Variants in GALNT16 observed in about 807,000 individuals in gnomAD.
GALNT16 encodes the protein UDP-GalNAc:polypeptide N-acetylgalactosaminyltransferase-like protein 1.
Under a neutral mutation model 76.1 loss-of-function variants are expected in GALNT16, and 40 were observed. That is an observed-to-expected ratio of 0.53 (90% CI 0.41 to 0.68). GALNT16 has a LOEUF of 0.68. GALNT16 is among the 30% of genes least tolerant of loss of function. GALNT16 has a pLI of 0.00. For synonymous variants in GALNT16, 276 were observed against 285.2 expected (o/e 0.97, Z 0.32); for missense variants, 621 against 731.9 (o/e 0.85, Z 1.75).
Position 69,311,271 on chromosome 14 carries a change from A to G in GALNT16, c.178-9440A>G, listed in dbSNP as rs118074870. 1.2e-4 allele frequency among the ~76,000 whole-genome samples: 18 copies of G among 152,318 alleles called. No homozygotes were observed. In the East Asian group the frequency reaches 3.3e-3, roughly 28 times the overall value. On this transcript the variant is annotated intron_variant, in intron 1 of 14. Transcript: ENST00000448469. ...GAGGGGACAAATGCTGTGTCCTCGT[A>G]TGGCAGAAGGTGAAAGGGCGTAAAG...
At chr14:69,368,477 T>C in the GALNT16 span, among the ~76,000 whole-genome samples, 1 of 152,174 alleles carries the variant, frequency 6.6e-6, no homozygotes. Flanking sequence ...TCTCACAACA[T>C]GGCAGCTGGC....
intron 1 of GALNT16, among the ~76,000 whole-genome samples, chr14:69,284,908 C>A (rs1304604651): frequency 6.6e-6 from 1 of 152,108 alleles, no homozygotes; most frequent in Non-Finnish European, 1.5e-5. Context: ...CTTCTCTCTC[C>A]TGCCACCCTG....
At chr14:69,362,043 A>G in the GALNT16 span, among the ~76,000 whole-genome samples, 1 of 152,194 alleles carries the variant, frequency 6.6e-6, no homozygotes, top group Non-Finnish European at 1.5e-5. Flanking sequence ...ACAGGGCAGG[A>G]AATTGGGAGC....
At chr14:69,281,887 C>T (rs188411337) in intron 1 of GALNT16, among the ~76,000 whole-genome samples, 16 of 152,292 alleles carry the variant, frequency 1.1e-4, no homozygotes, top group African/African-American at 3.8e-4. Context: ...CCTGTCTAAA[C>T]CCCAAGTAAC....
chr14:69,286,111 G>A (rs2044607536), intron 1 of GALNT16, among the ~76,000 whole-genome samples: 2 of 152,118 alleles, frequency 1.3e-5, no homozygotes, highest in Admixed American at 1.3e-4. Flanking sequence ...ACTCACTGTG[G>A]CCAGGTGCTC....
the GALNT16 span, among the ~76,000 whole-genome samples, chr14:69,368,757 G>A: frequency 7.8e-3 from 1,185 of 152,284 alleles, 11 homozygotes; most frequent in African/African-American, 0.027. Flanking sequence ...CCCAAGCTGG[G>A]CCAGTCCAGT....
the GALNT16 span, among the ~76,000 whole-genome samples, chr14:69,363,438 C>T: frequency 6.6e-6 from 1 of 152,228 alleles, no homozygotes. Context: ...GGGCAACCTG[C>T]AGCTAGTTAC....
At chr14:69,300,388 T>C (rs1428576797) in intron 1 of GALNT16, among the ~76,000 whole-genome samples, 1 of 152,206 alleles carries the variant, frequency 6.6e-6, no homozygotes, top group Non-Finnish European at 1.5e-5. Context: ...CTGCCCTTGC[T>C]GTCACTGGGG....
intron 6 of GALNT16, among the ~76,000 whole-genome samples, 197 bp downstream of exon 6, chr14:69,328,768 GGGTTATTGTGAGAATGAAATT>G (rs2045317797): frequency 6.6e-6 from 1 of 152,198 alleles, no homozygotes; most frequent in Admixed American, 6.5e-5. Context: ...TTATCCCACT[GGGTTATTGTGAGAATGAAATT>G]GGATGAAAGC....
At chr14:69,306,648 C>T (rs149654416) in intron 1 of GALNT16, among the ~76,000 whole-genome samples, 1 of 152,162 alleles carries the variant, frequency 6.6e-6, no homozygotes, top group Non-Finnish European at 1.5e-5. Context: ...TAAGTTGAAT[C>T]ATGATTAAAA....
At chr14:69,363,118 G>A in the GALNT16 span, among the ~76,000 whole-genome samples, 5 of 152,208 alleles carry the variant, frequency 3.3e-5, no homozygotes, top group South Asian at 4.1e-4. Context: ...CTGTCCCACC[G>A]TTGTCTGCAT....
At chr14:69,361,604 C>A (rs1414567783), downstream of GALNT16, among the ~76,000 whole-genome samples, 3 of 152,202 alleles carry the variant, frequency 2.0e-5, no homozygotes, top group Non-Finnish European at 4.4e-5. Context: ...GTCCCCACAT[C>A]CCGTATCCTT....
chr14:69,279,639 G>A (rs36008095), intron 1 of GALNT16, among the ~76,000 whole-genome samples: 71,798 of 152,206 alleles, frequency 0.47, 19,276 homozygotes, highest in East Asian at 0.9. Flanking sequence ...GGCTGTGGGG[G>A]CCGTGTCAGG....
intron 1 of GALNT16, among the ~76,000 whole-genome samples, chr14:69,283,506 G>A (rs2044570892): frequency 6.6e-6 from 1 of 152,164 alleles, no homozygotes. Context: ...TGACTCTTGG[G>A]CTCAGGCTGG....
chr14:69,342,942 C>T (rs561402047), intron 12 of GALNT16, among the ~76,000 whole-genome samples: 19 of 152,328 alleles, frequency 1.2e-4, no homozygotes, highest in African/African-American at 4.1e-4. Flanking sequence ...TTATTATCAT[C>T]GGCATTATCT....
chr14:69,380,840 G>C, the GALNT16 span, among the ~76,000 whole-genome samples: 1 of 152,284 alleles, frequency 6.6e-6, no homozygotes, highest in Non-Finnish European at 1.5e-5. Flanking sequence ...CAATCTTATA[G>C]TGGAAAAAGA....
chr14:69,318,273 G>A (rs2045130317), intron 1 of GALNT16, among the ~76,000 whole-genome samples: 1 of 152,178 alleles, frequency 6.6e-6, no homozygotes, highest in Non-Finnish European at 1.5e-5. Context: ...GCATCTTTGA[G>A]GATGTGTAAC....
At chr14:69,343,970 C>T (rs1181443459) in intron 12 of GALNT16, among the ~76,000 whole-genome samples, 3 of 152,170 alleles carry the variant, frequency 2.0e-5, no homozygotes, top group African/African-American at 7.2e-5. Context: ...GATGGAAACC[C>T]CAGACCTCAT....
the GALNT16 span, chr14:69,380,657 A>C: frequency 1.3e-6 from 2 of 1,490,354 alleles, no homozygotes; most frequent in African/African-American, 2.8e-5. Flanking sequence ...AGAGAAAGGG[A>C]ATAAGCAAAG....
Sources: gnomAD v4.1 joint callset for allele counts (sites outside exome capture counted in the v4.1 genomes callset) on GRCh38, gnomAD v4.1.1 for gene constraint, MANE v1.5 for transcripts, NCBI Gene and HGNC (gene_info 2026-07-23, HGNC 2026-07-21) for gene names.